The following MGAT4C variants were observed in gnomAD, a reference collection of about 807,000 sequenced individuals.
MGAT4C encodes the protein alpha-1,3-mannosyl-glycoprotein 4-beta-N-acetylglucosaminyltransferase C.
MGAT4C carries 19 observed loss-of-function variants against 40.1 expected under a neutral mutation model. The ratio of observed to expected loss-of-function variants is 0.47; its 90% CI spans 0.33 to 0.70. The LOEUF (loss-of-function observed/expected upper bound fraction) is 0.70, where lower values mean the gene tolerates loss of function less well. Ranked by LOEUF, MGAT4C falls within the 30% of genes least tolerant of loss-of-function variation. The pLI, the probability that MGAT4C is intolerant of heterozygous loss-of-function variation, is 0.02. For synonymous variants in MGAT4C, 181 were observed against 187.1 expected, an observed-to-expected ratio of 0.97 and a Z score of 0.27; for missense variants, 491 against 563.2, an observed-to-expected ratio of 0.87 and a Z score of 1.30.
chr12:86,713,039 G>A (rs925248457), intron 2 of MGAT4C, among the ~76,000 whole-genome samples: 1 of 151,968 alleles, frequency 6.6e-6, no homozygotes, highest in Non-Finnish European at 1.5e-5. Context: ...TGTAGACCCA[G>A]TTTTGATTCT....
At chr12:86,234,759 T>A (rs1159534526) in intron 1 of MGAT4C, among the ~76,000 whole-genome samples, 6 of 152,126 alleles carry the variant, frequency 3.9e-5, no homozygotes, top group African/African-American at 1.4e-4. Flanking sequence ...TAATTTGTAT[T>A]CTTCTCACAC....
At chr12:86,453,042 T>C (rs1162999222) in intron 2 of MGAT4C, among the ~76,000 whole-genome samples, 1 of 152,200 alleles carries the variant, frequency 6.6e-6, no homozygotes, top group African/African-American at 2.4e-5. Context: ...ATAAGTCTTA[T>C]ATCTGTTACT....
intron 2 of MGAT4C, among the ~76,000 whole-genome samples, chr12:86,632,465 GT>G (rs199501901): frequency 0.031 from 4,726 of 152,020 alleles, 122 homozygotes; most frequent in African/African-American, 0.074. Flanking sequence ...ACATATATTT[GT>G]TGTGGCACTA....
chr12:85,991,609 C>T (rs1015539967), intron 2 of MGAT4C, among the ~76,000 whole-genome samples: 7 of 152,176 alleles, frequency 4.6e-5, no homozygotes, highest in African/African-American at 1.7e-4. Flanking sequence ...GCGCTTAAAG[C>T]CTGGAGGGTG....
chr12:86,056,578 G>T (rs78691562), intron 1 of MGAT4C, among the ~76,000 whole-genome samples: 84,917 of 151,928 alleles, frequency 0.56, 24,497 homozygotes, highest in East Asian at 0.92. Context: ...CTTTTTTATG[G>T]CTGCATAGTA....
chr12:86,734,141 C>T (rs1950951089), intron 1 of MGAT4C, among the ~76,000 whole-genome samples: 1 of 151,720 alleles, frequency 6.6e-6, no homozygotes, highest in South Asian at 2.1e-4. Flanking sequence ...GTTTAAGTTG[C>T]CTTTATAAAA....
At chr12:86,441,333 T>A (rs1409797060) in intron 2 of MGAT4C, among the ~76,000 whole-genome samples, 1 of 150,802 alleles carries the variant, frequency 6.6e-6, no homozygotes, top group East Asian at 1.9e-4. Context: ...TGATTTTTTT[T>A]ATTATTATTT....
intron 2 of MGAT4C, among the ~76,000 whole-genome samples, chr12:86,704,427 A>G (rs1031329027): frequency 6.6e-6 from 1 of 152,084 alleles, no homozygotes; most frequent in Admixed American, 6.6e-5. Flanking sequence ...AAACATATAC[A>G]TGTTTACTAT....
chr12:86,532,679 G>A (rs1437450402), intron 2 of MGAT4C, among the ~76,000 whole-genome samples: 1 of 151,928 alleles, frequency 6.6e-6, no homozygotes, highest in Non-Finnish European at 1.5e-5. Context: ...TATTAAATAT[G>A]GTTCTGATAA....
intron 2 of MGAT4C, among the ~76,000 whole-genome samples, chr12:86,550,028 G>A (rs1022409621): frequency 2.2e-4 from 34 of 152,106 alleles, no homozygotes; most frequent in Admixed American, 2.2e-3. Context: ...TTGGATCATG[G>A]GGCAGTTTCC....
At chr12:86,018,517 G>T (rs562276247) in intron 2 of MGAT4C, among the ~76,000 whole-genome samples, 7 of 152,222 alleles carry the variant, frequency 4.6e-5, no homozygotes, top group Non-Finnish European at 8.8e-5. Flanking sequence ...TATGCCCTCA[G>T]GGCAGTATTC....
chr12:86,772,152 A>T (rs1951650951), intron 1 of MGAT4C, among the ~76,000 whole-genome samples: 2 of 152,176 alleles, frequency 1.3e-5, no homozygotes, highest in African/African-American at 2.4e-5. Flanking sequence ...TGTATGGCTC[A>T]TGGGTCTATT....
At chr12:86,284,350 C>A (rs1953294140) in intron 4 of MGAT4C, among the ~76,000 whole-genome samples, 2 of 151,676 alleles carry the variant, frequency 1.3e-5, no homozygotes, top group South Asian at 4.2e-4. Flanking sequence ...TAAAAAGTAA[C>A]AATGTGGTCC....
intron 2 of MGAT4C, among the ~76,000 whole-genome samples, chr12:86,699,808 C>A (rs1950323041): frequency 6.6e-6 from 1 of 151,858 alleles, no homozygotes; most frequent in African/African-American, 2.4e-5. Flanking sequence ...GGAAGTGGAT[C>A]ACCATAAAGG....
At chr12:86,240,947 C>G (rs903627496) in intron 1 of MGAT4C, among the ~76,000 whole-genome samples, 1 of 152,006 alleles carries the variant, frequency 6.6e-6, no homozygotes, top group African/African-American at 2.4e-5. Context: ...TATATCAGAG[C>G]CTTTCTTTGT....
intron 1 of MGAT4C, among the ~76,000 whole-genome samples, chr12:86,792,532 T>C (rs1451767077): frequency 6.6e-6 from 1 of 151,982 alleles, no homozygotes; most frequent in Non-Finnish European, 1.5e-5. Context: ...AATATCAATA[T>C]CTGGAATTCG....
intron 2 of MGAT4C, among the ~76,000 whole-genome samples, chr12:86,700,057 T>TAGATAGATAGATAGATAGATAGATA (rs1950329166): frequency 6.6e-6 from 1 of 151,498 alleles, no homozygotes; most frequent in Non-Finnish European, 1.5e-5. Context: ...GATAGATAGA[T>TAGATAGATAGATAGATAGATAGATA]AGATAGATAA....
chr12:86,488,428 A>G (rs1225856567), intron 2 of MGAT4C, among the ~76,000 whole-genome samples: 1 of 143,320 alleles, frequency 7.0e-6, no homozygotes, highest in South Asian at 2.2e-4. Flanking sequence ...CCCTGTCTCA[A>G]AAAAAAAAAA....
Position 86,282,066 on chromosome 12 carries a change from T to A in MGAT4C, c.-57+51999A>T, listed in dbSNP as rs12824053. On this transcript the variant is annotated intron_variant, in intron 4 of 7. Transcript: ENST00000548651. ...CTATGTTATGTACATGGGGGCTTTT[T>A]AAATTTTACTTTGCTCAGTATTTGA... Among the ~76,000 whole-genome samples the A allele has an allele frequency of 2.4e-3, 362 of 152,246 alleles. 2 individuals are homozygous for A. The highest frequency in any genetic ancestry group is 4.4e-3 in the Non-Finnish European group (302 of 67,992).
Sources: allele counts gnomAD v4.1 joint callset (sites outside exome capture counted in the v4.1 genomes callset), GRCh38; gene constraint gnomAD v4.1.1; transcripts MANE v1.5; gene names NCBI Gene and HGNC (gene_info 2026-07-23, HGNC 2026-07-21).